KIAA1614: variants seen among roughly 807,000 people sequenced by gnomAD.
KIAA1614 encodes KIAA1614.
KIAA1614 carries 76 observed loss-of-function variants against 88.7 expected under a neutral mutation model. The ratio of observed to expected loss-of-function variants is 0.86; its 90% CI spans 0.71 to 1.04. KIAA1614 has a LOEUF of 1.04. Ranked by LOEUF, KIAA1614 falls within the 50% of genes least tolerant of loss-of-function variation. The pLI is 0.00. For synonymous variants in KIAA1614, 714 were observed against 675.5 expected, an observed-to-expected ratio of 1.06 and a Z score of -0.88; for missense variants, 1,553 against 1,582.5, an observed-to-expected ratio of 0.98 and a Z score of 0.32.
rs927260025 is a variant in KIAA1614, at chr1:180,949,346, G to C, written c.*3758G>C. On this transcript the variant is annotated 3_prime_UTR_variant, in exon 9 of 9. Coordinates refer to ENST00000367588, the MANE Select transcript of KIAA1614 (RefSeq NM_020950.2). ...TGTGTCCACCCAGCATGAAGCATGG[G>C]CATCAGGGGGTCCAGCCTGCCCTGG... is the stretch of plus-strand genomic sequence containing the variant. 2 of 152,350 alleles carry C rather than the reference G, an allele frequency of 1.3e-5. No homozygotes were observed. The highest frequency in any genetic ancestry group is 2.9e-5 in the Non-Finnish European group (2 of 68,102). 9.4% of individuals were successfully genotyped at this position (152,350 alleles called of 1,614,324 possible).
chr1:180,931,100 AG>A (rs1654187771), intron 4 of KIAA1614, among the ~76,000 whole-genome samples: 1 of 152,230 alleles, frequency 6.6e-6, no homozygotes, highest in South Asian at 2.1e-4. Flanking sequence ...GGACTCCAGG[AG>A]GTGAAGAGGT....
intron 7 of KIAA1614, 156 bp from the exon 8 acceptor site, chr1:180,944,233 A>G: frequency 4.4e-6 from 3 of 681,210 alleles, no homozygotes; most frequent in Non-Finnish European, 7.3e-6. Flanking sequence ...GTCCTTGAGT[A>G]AGTCATGGTG....
chr1:180,916,962 G>A lies in KIAA1614; in HGVS notation c.859G>A (p.Gly287Arg), dbSNP rs1258405014. The change falls in exon 2 of 9, where the codon GGG (glycine) becomes AGG (arginine). Residue 287 changes from glycine to arginine, a missense_variant. Transcript: ENST00000367588. ...RAGDLEALGA[G>R]SSVLSLSDRV... is the part of the protein sequence containing the mutation. ...TGGAGACCTGGAGGCTCTGGGCGCT[G>A]GGAGCAGTGTCTTGTCCCTGTCTGA... 6.2e-7 allele frequency: 1 copy of A among 1,614,212 alleles called. No homozygotes were observed.
Position 180,916,226 on chromosome 1 carries a change from G to A in KIAA1614, c.123G>A (p.Glu41=), listed in dbSNP as rs1455159539. ...GTSAVEWSGP[E]PQLDNGHPPR... ...CAGCTGTGGAGTGGAGTGGTCCTGAGCCACAGCTGGATAACGGACACCCCC... is the reference window on the plus strand; with the variant it reads ...CAGCTGTGGAGTGGAGTGGTCCTGAACCACAGCTGGATAACGGACACCCCC... Residue 41 remains glutamate (E), a synonymous_variant, in exon 2 of 9, where the codon GAG becomes GAA. Transcript: ENST00000367588. The A allele has an allele frequency of 6.2e-7, 1 of 1,613,198 alleles. No homozygotes were observed. The highest frequency in any genetic ancestry group is 1.1e-5 in the South Asian group (1 of 91,056).
At chr1:180,938,748 G>A (rs1385440755) in intron 6 of KIAA1614, 37 bp downstream of exon 6, 1 of 1,604,320 alleles carries the variant, frequency 6.2e-7, no homozygotes, top group South Asian at 1.1e-5. Context: ...TGCAGAAGGA[G>A]GTGGGAATGG....
At position 180,943,037 on chromosome 1, in the gene KIAA1614, T is replaced by TTTTTTGTTTGTTTG. The variant is rs77124425; in HGVS notation, c.3160-1347_3160-1346insGTTTGTTTGTTTTT. ...AGGCTTAGTTTTTTGGGTTTTTTTT[T>TTTTTTGTTTGTTTG]TTTTTTTAAGATGGAGTCTCACTCT... On this transcript the variant is annotated intron_variant, in intron 7 of 8. Transcript: ENST00000367588. Among the ~76,000 whole-genome samples, 11 of 147,190 alleles carry TTTTTTGTTTGTTTG rather than the reference T, an allele frequency of 7.5e-5. No homozygotes were observed. In the East Asian group the frequency reaches 1.8e-3, roughly 24 times the overall value.
At chr1:180,937,124 C>A (rs1204320584) in intron 5 of KIAA1614, among the ~76,000 whole-genome samples, 2 of 152,258 alleles carry the variant, frequency 1.3e-5, no homozygotes, top group African/African-American at 4.8e-5. Flanking sequence ...TGAGGCCCTG[C>A]CCCTCCAGCA....
At chr1:180,939,396 C>T (rs1654406046) in intron 6 of KIAA1614, among the ~76,000 whole-genome samples, 1 of 152,198 alleles carries the variant, frequency 6.6e-6, no homozygotes, top group Non-Finnish European at 1.5e-5. Context: ...ACAAAAAGCT[C>T]AACAACTGCT....
At position 180,935,409 on chromosome 1, in the gene KIAA1614, GGCTCCC is replaced by G; in HGVS notation, c.1501_1506del (p.Ala501_Pro502del). On this transcript the variant is annotated inframe_deletion, in exon 5 of 9. Coordinates refer to ENST00000367588, the MANE Select transcript of KIAA1614 (RefSeq NM_020950.2). The surrounding 1 kb of genome is among the most constrained non-coding windows in gnomAD (Gnocchi z 6.1). ...CCGACCTCGCCGACTACATCAACGG[GGCTCCC>G]CGGCTCCGGGACGCGGGGCAGGGGA... 1 of 1,472,238 alleles carries G rather than the reference GGCTCCC, an allele frequency of 6.8e-7. No individual in the cohort carries two copies. Among genetic ancestry groups the G allele is most frequent in the South Asian group, 1.4e-5 (1 of 71,238 alleles). 91.2% of individuals were successfully genotyped at this position (1,472,238 alleles called of 1,614,324 possible). A position where few individuals can be genotyped will look rare whatever the true frequency, so the allele number is the denominator to read the frequency against.
chr1:180,941,393 C>A, intron 7 of KIAA1614, 108 bp downstream of exon 7: 1 of 1,356,738 alleles, frequency 7.4e-7, no homozygotes. Context: ...TCCCAAGGAG[C>A]CCACAGTAGG....
Position 180,945,299 on chromosome 1 carries a change from G to T in KIAA1614, c.3288-4G>T, listed in dbSNP as rs753149585. The T allele has an allele frequency of 2.5e-6, 4 of 1,577,740 alleles. No individual in the cohort carries two copies. The highest frequency in any genetic ancestry group is 3.4e-6 in the Non-Finnish European group (4 of 1,170,190). ...CCCTCACTGTGTCTCTGGTTCCCTC[G>T]CAGGCCGGCCAAGACTTCACCACGG... is the stretch of plus-strand genomic sequence containing the variant. On this transcript the variant is annotated splice_polypyrimidine_tract_variant and splice_region_variant and intron_variant, in intron 8 of 8. Transcript: ENST00000367588.
chr1:180,945,411 C>A lies in KIAA1614; in HGVS notation c.3396C>A (p.Ser1132Arg), dbSNP rs781108095. 1 of 1,604,664 alleles carries A rather than the reference C, an allele frequency of 6.2e-7. No individual in the cohort carries two copies. The highest frequency in any genetic ancestry group is 1.1e-5 in the South Asian group (1 of 89,788). Residue 1132 changes from serine to arginine, a missense_variant, in exon 9 of 9, where the codon AGC becomes AGA. Ser to Arg is a moderately radical substitution (Grantham distance 110). Coordinates refer to ENST00000367588, the MANE Select transcript of KIAA1614 (RefSeq NM_020950.2). ...RLVEVFPDGT[S>R]QLQLQRSPGG... ...TGGAGGTGTTCCCAGACGGCACCAG[C>A]CAGCTGCAGCTGCAGCGCTCCCCAG...
chr1:180,945,753 G>T lies in KIAA1614; in HGVS notation c.*165G>T, dbSNP rs1238326886. The T allele has an allele frequency of 5.1e-6, 7 of 1,367,712 alleles. No homozygotes were observed. The highest frequency in any genetic ancestry group is 6.5e-6 in the Non-Finnish European group (7 of 1,071,118). 84.7% of individuals were successfully genotyped at this position (1,367,712 alleles called of 1,614,324 possible). ...TGCGTTGGTGGGGAGTGTGCGGGAG[G>T]GGGTAGAGTTGGCAGGTTTGACTCC... On this transcript the variant is annotated 3_prime_UTR_variant, in exon 9 of 9. Coordinates refer to ENST00000367588, the MANE Select transcript of KIAA1614 (RefSeq NM_020950.2).
chr1:180,916,697 C>G lies in KIAA1614; in HGVS notation c.594C>G (p.Asp198Glu), dbSNP rs1172364672. ...PEAEWTLPDHDRGPLLGPSSL... is the reference protein window; with the variant it reads ...PEAEWTLPDHERGPLLGPSSL... ...CCGAATGGACACTTCCTGACCATGA[C>G]AGAGGTCCGCTGCTGGGGCCCAGCT... The change falls in exon 2 of 9, where the codon GAC becomes GAG. Residue 198 changes from aspartate (D) to glutamate (E), a missense_variant. By Grantham distance (45) the Asp-to-Glu change is conservative (BLOSUM62 2). Transcript: ENST00000367588. 1 of 1,611,204 alleles carries G rather than the reference C, an allele frequency of 6.2e-7. No individual in the cohort carries two copies. The highest frequency in any genetic ancestry group is 8.5e-7 in the Non-Finnish European group (1 of 1,178,418).
rs1347501145 is a variant in KIAA1614, at chr1:180,913,092, G to A, written c.-152G>A. 1 of 467,030 alleles carries A rather than the reference G, an allele frequency of 2.1e-6. No homozygotes were observed. Among genetic ancestry groups the A allele is most frequent in the Non-Finnish European group, 3.3e-6 (1 of 298,724 alleles). 28.9% of individuals were successfully genotyped at this position (467,030 alleles called of 1,614,324 possible). ...CGGGAGCTGGCCCGGCCTCGGCGCC[G>A]TCCCGGACCCCCAGTCGGCCGCGCC... is the stretch of plus-strand genomic sequence containing the variant. On this transcript the variant is annotated 5_prime_UTR_variant, in exon 1 of 9. Coordinates refer to ENST00000367588, the MANE Select transcript of KIAA1614 (RefSeq NM_020950.2).
chr1:180,919,579 C>T (rs759115277), intron 3 of KIAA1614, among the ~76,000 whole-genome samples: 15 of 152,316 alleles, frequency 9.8e-5, no homozygotes, highest in East Asian at 7.7e-4. Flanking sequence ...TGCCCCCACC[C>T]CCTGCACACT....
At chr1:180,932,806 C>A (rs1281116697) in intron 4 of KIAA1614, among the ~76,000 whole-genome samples, 1 of 151,764 alleles carries the variant, frequency 6.6e-6, no homozygotes, top group Non-Finnish European at 1.5e-5. Context: ...GCAGCACGAT[C>A]TTGGCTCACC....
intron 6 of KIAA1614, among the ~76,000 whole-genome samples, chr1:180,939,808 C>G (rs1270799784): frequency 6.6e-6 from 1 of 152,202 alleles, no homozygotes; most frequent in Non-Finnish European, 1.5e-5. Context: ...GCCTTGCCTG[C>G]CTGTCTGACC....
Position 180,916,737 on chromosome 1 carries a change from C to T in KIAA1614, c.634C>T (p.Pro212Ser). Reference sequence around the variant, plus strand: ...GGGGCCCAGCTCTTTGCAACAGAGCCCGATCCATGGAGTTACTCCCGGACG... The same window carrying T: ...GGGGCCCAGCTCTTTGCAACAGAGCTCGATCCATGGAGTTACTCCCGGACG... ...LLGPSSLQQSPIHGVTPGRPG... is the reference protein window; with the variant it reads ...LLGPSSLQQSSIHGVTPGRPG... Residue 212 changes from proline (P) to serine (S), a missense_variant, in exon 2 of 9, where the codon CCG becomes TCG. Physicochemically the swap from Pro to Ser is moderately conservative, Grantham distance 74. Coordinates refer to ENST00000367588, the MANE Select transcript of KIAA1614 (RefSeq NM_020950.2). The T allele has an allele frequency of 1.2e-6, 2 of 1,614,112 alleles. No individual in the cohort carries two copies. Among genetic ancestry groups the T allele is most frequent in the Non-Finnish European group, 1.7e-6 (2 of 1,179,994 alleles).
Sources: allele counts gnomAD v4.1 joint callset (sites outside exome capture counted in the v4.1 genomes callset), GRCh38; gene constraint gnomAD v4.1.1; non-coding constraint Gnocchi (gnomAD v3.1); transcripts MANE v1.5; gene names NCBI Gene and HGNC (gene_info 2026-07-23, HGNC 2026-07-21).